PCGF1: variants seen among roughly 807,000 people sequenced by gnomAD.
PCGF1 encodes polycomb group RING finger protein 1.
Under a neutral mutation model 38.8 loss-of-function variants are expected in PCGF1, and 10 were observed. The ratio of observed to expected loss-of-function variants is 0.26; its 90% CI spans 0.16 to 0.44. The LOEUF (loss-of-function observed/expected upper bound fraction) is 0.44. PCGF1 is among the 20% of genes least tolerant of loss of function. The pLI, the probability that PCGF1 is intolerant of heterozygous loss-of-function variation, is 1.00. For synonymous variants in PCGF1, 119 were observed against 121.3 expected (o/e 0.98, Z 0.12); for missense variants, 230 against 331.5 (o/e 0.69, Z 2.38).
At chr2:74,506,121 A>C in intron 4 of PCGF1, 60 bp downstream of exon 4, 1 of 1,611,764 alleles carries the variant, frequency 6.2e-7, no homozygotes. Flanking sequence ...TTCCCCAGAG[A>C]GCAAAACTGG....
rs1437063312 is a variant in PCGF1, at chr2:74,505,646, C to A, written c.565-8G>T. 1 of 1,613,742 alleles carries A rather than the reference C, an allele frequency of 6.2e-7. No individual in the cohort carries two copies. Among genetic ancestry groups the A allele is most frequent in the African/African-American group, 1.3e-5 (1 of 74,792 alleles). Reference sequence around the variant, plus strand: ...ACATCGGACATACTTGTTCTGGGAGCAGGGAGGGGAGGGAAGAGGGCAAGG... The same window carrying A: ...ACATCGGACATACTTGTTCTGGGAGAAGGGAGGGGAGGGAAGAGGGCAAGG... On this transcript the variant is annotated splice_polypyrimidine_tract_variant and splice_region_variant and intron_variant, in intron 6 of 8. Transcript: ENST00000233630.
rs1674592646 is a variant in PCGF1 at position 74,505,051 on chromosome 2, A to T, written c.*92T>A. The T allele has an allele frequency of 6.0e-6, 8 of 1,336,234 alleles. No individual in the cohort carries two copies. Among genetic ancestry groups the T allele is most frequent in the Non-Finnish European group, 7.9e-6 (8 of 1,006,596 alleles). The allele number at this position is 1,336,234 out of a possible 1,614,324, so 82.8% of individuals were successfully genotyped here. A position where few individuals can be genotyped will look rare whatever the true frequency, so the allele number is the denominator to read the frequency against. ...ATAAGGCAGAAGAGAGGTGCTTTTTAAAAGTTTTTATTTCAAAAAATAAAG... is the reference window on the plus strand; with the variant it reads ...ATAAGGCAGAAGAGAGGTGCTTTTTTAAAGTTTTTATTTCAAAAAATAAAG... On this transcript the variant is annotated 3_prime_UTR_variant, in exon 9 of 9. Transcript: ENST00000233630.
At position 74,505,984 on chromosome 2, in the gene PCGF1, A is replaced by T; in HGVS notation, c.498T>A (p.Asp166Glu). 6.2e-7 allele frequency: 1 copy of T among 1,614,094 alleles called. No individual in the cohort carries two copies. The highest frequency in any genetic ancestry group is 8.5e-7 in the Non-Finnish European group (1 of 1,179,936). The part of the protein sequence containing the change: ...DHSKAHYYRY[D>E]EQLNLCLERL... ...GCTCCAGGCACAGGTTCAACTGCTC[A>T]TCATAGCGATAGTAGTGGGCTTTAG... Residue 166 changes from aspartate to glutamate, a missense_variant, in exon 5 of 9, where the codon GAT (aspartate) becomes GAA (glutamate). Asp to Glu is a conservative substitution (Grantham distance 45). Coordinates refer to ENST00000233630, the MANE Select transcript of PCGF1 (RefSeq NM_032673.3).
chr2:74,505,430 G>C lies in PCGF1; in HGVS notation c.652-11C>G. The C allele has an allele frequency of 3.1e-6, 5 of 1,607,292 alleles. No homozygotes were observed. Among genetic ancestry groups the C allele is most frequent in the Non-Finnish European group, 3.4e-6 (4 of 1,175,482 alleles). Reference sequence around the variant, plus strand: ...AAAAAGGAGCTGCACCTAGGAGGGAGATGGGGGCATAATTTTAGGAACTTT... The same window carrying C: ...AAAAAGGAGCTGCACCTAGGAGGGACATGGGGGCATAATTTTAGGAACTTT... On this transcript the variant is annotated splice_polypyrimidine_tract_variant and intron_variant, in intron 7 of 8. Transcript: ENST00000233630.
In PCGF1 at chr2:74,507,212, T is replaced by G. The variant is rs1040271635; in HGVS notation, c.94-65A>C. On this transcript the variant is annotated intron_variant, in intron 1 of 8. Coordinates refer to ENST00000233630, the MANE Select transcript of PCGF1 (RefSeq NM_032673.3). ...ACCCCAACCCGTGCGCCTTCCCACC[T>G]TGGGGGTCGCCTCCTTCATCACACT... 12 of 1,551,186 alleles carry G rather than the reference T, an allele frequency of 7.7e-6. No homozygotes were observed. The African/African-American group carries it at 1.6e-4, about 21-fold the overall frequency.
rs1238095620 is a variant in PCGF1 at position 74,505,965 on chromosome 2, G to C, written c.517C>G (p.Leu173Val). The change falls in exon 5 of 9, where the codon CTG becomes GTG. Residue 173 changes from leucine to valine, a missense_variant. Coordinates refer to ENST00000233630, the MANE Select transcript of PCGF1 (RefSeq NM_032673.3). ...CCTTCTCCTCACCTCAGCCGCTCCA[G>C]GCACAGGTTCAACTGCTCATCATAG... is the stretch of plus-strand genomic sequence containing the variant. ...YRYDEQLNLC[L>V]ERLSSGKDKN... 2 of 1,614,116 alleles carry C rather than the reference G, an allele frequency of 1.2e-6. No homozygotes were observed. The highest frequency in any genetic ancestry group is 1.7e-6 in the Non-Finnish European group (2 of 1,180,032).
intron 1 of PCGF1, 53 bp downstream of exon 1, chr2:74,507,523 G>A (rs967262691): frequency 5.2e-5 from 81 of 1,545,814 alleles, no homozygotes; most frequent in Non-Finnish European, 7.0e-5. Flanking sequence ...CCTTTAGCCC[G>A]CCCCAATTCG....
At chr2:74,507,364 C>T (rs1219989431) in intron 1 of PCGF1, 17 of 1,451,608 alleles carry the variant, frequency 1.2e-5, no homozygotes, top group Non-Finnish European at 1.4e-5. Flanking sequence ...TCGCCTGACC[C>T]TCCTTTCCCA....
chr2:74,506,710 C>G (rs373985062), intron 3 of PCGF1, 22 bp downstream of exon 3: 1 of 1,612,986 alleles, frequency 6.2e-7, no homozygotes, highest in Non-Finnish European at 8.5e-7. Context: ...AGAGGCCCCT[C>G]AAAGTCAGGT....
chr2:74,506,663 C>T, intron 3 of PCGF1, 69 bp downstream of exon 3: 1 of 1,568,604 alleles, frequency 6.4e-7, no homozygotes, highest in African/African-American at 1.3e-5. Context: ...CCTACCAAAC[C>T]CGTCACCTCA....
chr2:74,506,286 A>G, intron 3 of PCGF1, 34 bp from the exon 4 acceptor site: 2 of 1,607,358 alleles, frequency 1.2e-6, no homozygotes, highest in South Asian at 1.1e-5. Context: ...ATAAAGTATT[A>G]GCCCTTCGGG....
At chr2:74,507,425 G>A in intron 1 of PCGF1, 151 bp downstream of exon 1, 1 of 1,463,572 alleles carries the variant, frequency 6.8e-7, no homozygotes, top group Admixed American at 2.4e-5. Context: ...CCTAACCGGA[G>A]TTTGGCAACC....
chr2:74,507,392 T>C (rs1674665366), intron 1 of PCGF1, 184 bp downstream of exon 1: 1 of 1,453,970 alleles, frequency 6.9e-7, no homozygotes, highest in African/African-American at 1.4e-5. Flanking sequence ...CTACACAACG[T>C]CGGCGACACA....
At position 74,507,618 on chromosome 2, in the gene PCGF1, G is replaced by T. The variant is rs764289134; in HGVS notation, c.51C>A (p.Asn17Lys). The change falls in exon 1 of 9, where the codon AAC (asparagine) becomes AAA (lysine). Residue 17 changes from asparagine to lysine, a missense_variant. This residue lies in a region of PCGF1 where 46 missense variants were observed against 35.9 expected (regional missense o/e 1.28). Coordinates refer to ENST00000233630, the MANE Select transcript of PCGF1 (RefSeq NM_032673.3). The stretch of plus-strand genomic sequence containing the variant: ...CCATCTTGTACACTGACTGGAGCTG[G>T]TTCCGAAGCCTCATCGCGATCGCAA... ...GQIAIAMRLR[N>K]QLQSVYKMDP... The T allele has an allele frequency of 3.8e-6, 6 of 1,586,754 alleles. No homozygotes were observed. In the East Asian group the frequency reaches 1.4e-4, roughly 37 times the overall value.
chr2:74,507,686 G>A lies in PCGF1; in HGVS notation c.-18C>T, dbSNP rs1572978001. ...GACGCCATCTTAAAGGCTGATCCCAGCCGGCCACTTCCGGTGCCGCCTGCA... is the reference window on the plus strand; with the variant it reads ...GACGCCATCTTAAAGGCTGATCCCAACCGGCCACTTCCGGTGCCGCCTGCA... On this transcript the variant is annotated 5_prime_UTR_variant, in exon 1 of 9. Transcript: ENST00000233630. The A allele has an allele frequency of 1.3e-6, 2 of 1,551,368 alleles. No homozygotes were observed. Among genetic ancestry groups the A allele is most frequent in the Non-Finnish European group, 1.7e-6 (2 of 1,147,876 alleles).
At chr2:74,507,510 C>T (rs1674670504) in intron 1 of PCGF1, 66 bp downstream of exon 1, 4 of 1,537,512 alleles carry the variant, frequency 2.6e-6, no homozygotes, top group Non-Finnish European at 3.5e-6. Flanking sequence ...AGCCACCGCC[C>T]GTCCTTTAGC....
intron 1 of PCGF1, 127 bp downstream of exon 1, chr2:74,507,449 G>T (rs1424014032): frequency 3.4e-6 from 5 of 1,474,212 alleles, no homozygotes; most frequent in African/African-American, 1.4e-5. Context: ...TCGCAACCAC[G>T]CAGGCGCACT....
intron 4 of PCGF1, 34 bp from the exon 5 acceptor site, chr2:74,506,091 C>T: frequency 6.2e-7 from 1 of 1,612,590 alleles, no homozygotes; most frequent in East Asian, 2.2e-5. Context: ...TGGCTGGTGG[C>T]ACACATTCCA....
intron 4 of PCGF1, 26 bp from the exon 5 acceptor site, chr2:74,506,083 G>A: frequency 1.2e-6 from 2 of 1,613,106 alleles, no homozygotes; most frequent in Non-Finnish European, 1.7e-6. Flanking sequence ...TAGTGAGGTG[G>A]CTGGTGGCAC....
Sources: allele counts gnomAD v4.1 joint callset, GRCh38; gene constraint gnomAD v4.1.1; regional missense constraint gnomAD v4.1.1; transcripts MANE v1.5; gene names NCBI Gene and HGNC (gene_info 2026-07-23, HGNC 2026-07-21).